Variants in GRIK4 observed in about 807,000 individuals in gnomAD.
The protein encoded by GRIK4 is glutamate ionotropic receptor kainate type subunit 4.
GRIK4 carries 40 observed loss-of-function variants against 104.9 expected under a neutral mutation model. The ratio of observed to expected loss-of-function variants is 0.38; its 90% CI spans 0.30 to 0.50. GRIK4 has a LOEUF of 0.50. Among genes scored for constraint, GRIK4 ranks in the 20% least tolerant of loss-of-function variants. The pLI, the probability that GRIK4 is intolerant of heterozygous loss-of-function variation, is 0.93. For synonymous variants in GRIK4, 485 were observed against 524.9 expected, an observed-to-expected ratio of 0.92 and a Z score of 1.04; for missense variants, 1,047 against 1,308.1, an observed-to-expected ratio of 0.80 and a Z score of 3.08.
chr11:120,759,114 T>A (rs1951701420), intron 3 of GRIK4, among the ~76,000 whole-genome samples: 1 of 152,202 alleles, frequency 6.6e-6, no homozygotes, highest in Admixed American at 6.5e-5. Flanking sequence ...CCTGTGACAC[T>A]GCTATTTATT....
intron 3 of GRIK4, among the ~76,000 whole-genome samples, chr11:120,799,343 C>G (rs568299907): frequency 6.6e-6 from 1 of 152,204 alleles, no homozygotes; most frequent in South Asian, 2.1e-4. Flanking sequence ...GGGGAGTTAC[C>G]TGAGAGAGTT....
At chr11:120,775,967 C>T (rs1287497635) in intron 3 of GRIK4, among the ~76,000 whole-genome samples, 1 of 152,222 alleles carries the variant, frequency 6.6e-6, no homozygotes, top group African/African-American at 2.4e-5. Flanking sequence ...TGGCAGGCTG[C>T]ATCCTGCAGT....
chr11:120,715,282 C>G (rs905885686), intron 3 of GRIK4, among the ~76,000 whole-genome samples: 1 of 152,098 alleles, frequency 6.6e-6, no homozygotes, highest in African/African-American at 2.4e-5. Context: ...CCCCAACCTA[C>G]GAGGGCAGGC....
At chr11:120,743,902 C>T (rs1014570381) in intron 3 of GRIK4, among the ~76,000 whole-genome samples, 7 of 152,104 alleles carry the variant, frequency 4.6e-5, no homozygotes, top group Admixed American at 2.6e-4. Context: ...TATTTACTGT[C>T]GGTGGAAGGG....
In GRIK4 at chr11:120,524,536, C is replaced by T. The variant is rs574208200; in HGVS notation, c.-159+12649C>T. On this transcript the variant is annotated intron_variant, in intron 1 of 20. Coordinates refer to ENST00000527524, the MANE Select transcript of GRIK4 (RefSeq NM_014619.5). This position sits in a 1 kb window ranked among gnomAD's most constrained non-coding sequence, Gnocchi z 4.5. Reference sequence around the variant, plus strand: ...AAGAGTAACACCAGGCCTACCTGGACCTTGGCTCCAGGCACTTTACCCCCT... The same window carrying T: ...AAGAGTAACACCAGGCCTACCTGGATCTTGGCTCCAGGCACTTTACCCCCT... Among the ~76,000 whole-genome samples, 41 of 152,280 alleles carry T rather than the reference C, an allele frequency of 2.7e-4. No individual in the cohort carries two copies. The highest frequency in any genetic ancestry group is 9.6e-4 in the African/African-American group (40 of 41,546).
At chr11:120,679,957 G>A (rs892996720) in intron 3 of GRIK4, among the ~76,000 whole-genome samples, 1 of 152,116 alleles carries the variant, frequency 6.6e-6, no homozygotes, top group East Asian at 1.9e-4. Context: ...CACATCGCTG[G>A]GCCTTTGCTG....
At chr11:120,758,223 G>A (rs959990339) in intron 3 of GRIK4, among the ~76,000 whole-genome samples, 1 of 152,112 alleles carries the variant, frequency 6.6e-6, no homozygotes, top group Admixed American at 6.5e-5. Context: ...TACCCATCCT[G>A]AGGACCTGGG....
chr11:120,774,492 A>G (rs943978139), intron 3 of GRIK4, among the ~76,000 whole-genome samples: 2 of 152,178 alleles, frequency 1.3e-5, no homozygotes, highest in Non-Finnish European at 2.9e-5. Context: ...AAGTCTGGAG[A>G]CAGAATTCCC....
intron 1 of GRIK4, among the ~76,000 whole-genome samples, chr11:120,617,912 A>C (rs1949136856): frequency 6.6e-6 from 1 of 152,230 alleles, no homozygotes; most frequent in Non-Finnish European, 1.5e-5. Context: ...ATGGAATAAT[A>C]ATGAAAATTG....
intron 3 of GRIK4, among the ~76,000 whole-genome samples, chr11:120,801,511 G>A (rs1952620572): frequency 6.6e-6 from 1 of 152,206 alleles, no homozygotes; most frequent in South Asian, 2.1e-4. Context: ...ACAGGCATGA[G>A]CCATGCGTCC....
intron 3 of GRIK4, among the ~76,000 whole-genome samples, chr11:120,705,173 A>G (rs1022831441): frequency 6.6e-6 from 1 of 151,280 alleles, no homozygotes; most frequent in African/African-American, 2.4e-5. Flanking sequence ...TTGGCTGTTC[A>G]TAGAGTCCCT....
rs187244977 is a variant in GRIK4, at chr11:120,643,494, C to T, written c.-158-10191C>T. Among the ~76,000 whole-genome samples the T allele has an allele frequency of 5.7e-4, 87 of 152,312 alleles. 1 individual carries two copies. Among genetic ancestry groups the T allele is most frequent in the Non-Finnish European group, 1.1e-3 (73 of 68,034 alleles). On this transcript the variant is annotated intron_variant, in intron 1 of 20. Coordinates refer to ENST00000527524, the MANE Select transcript of GRIK4 (RefSeq NM_014619.5). ...AATGCCTGGAGCATAGCAGGCCCAC[C>T]GCTGATATTGGGGGTTGGTGTACAG...
intron 1 of GRIK4, among the ~76,000 whole-genome samples, chr11:120,554,547 TTTTTTCTTTTTC>T (rs1277205487): frequency 1.5e-4 from 23 of 151,870 alleles, no homozygotes; most frequent in African/African-American, 5.3e-4. Flanking sequence ...GTCGCTCTCT[TTTTTTCTTTTTC>T]TTTTTCTTTT....
chr11:120,825,315 G>A (rs2135552836), intron 6 of GRIK4, among the ~76,000 whole-genome samples: 1 of 152,238 alleles, frequency 6.6e-6, no homozygotes, highest in South Asian at 2.1e-4. Context: ...TGAGATCTTG[G>A]AAAAGTGACT....
chr11:120,698,369 GT>G (rs1950491597), intron 3 of GRIK4, among the ~76,000 whole-genome samples: 1 of 152,232 alleles, frequency 6.6e-6, no homozygotes, highest in Non-Finnish European at 1.5e-5. Context: ...ATTAAGAGAA[GT>G]TTGGGTCTGT....
intron 1 of GRIK4, among the ~76,000 whole-genome samples, chr11:120,519,924 A>T (rs1591670550): frequency 9.3e-6 from 1 of 107,184 alleles, no homozygotes; most frequent in East Asian, 2.7e-4. Context: ...ACGGGGTCTT[A>T]CTCTGTTGCC....
intron 3 of GRIK4, among the ~76,000 whole-genome samples, chr11:120,759,684 A>G (rs1365707904): frequency 6.6e-6 from 1 of 151,998 alleles, no homozygotes; most frequent in Non-Finnish European, 1.5e-5. Flanking sequence ...AACAAAACAA[A>G]CCAAAATACT....
At chr11:120,657,908 T>A (rs1591775686) in intron 2 of GRIK4, among the ~76,000 whole-genome samples, 1 of 152,212 alleles carries the variant, frequency 6.6e-6, no homozygotes, top group East Asian at 1.9e-4. Context: ...AACACACCTC[T>A]GCAAGCAACA....
At chr11:120,595,834 A>G (rs888339062) in intron 1 of GRIK4, among the ~76,000 whole-genome samples, 2 of 151,888 alleles carry the variant, frequency 1.3e-5, no homozygotes, top group African/African-American at 4.8e-5. Flanking sequence ...TAGGCCCCTG[A>G]TTGCTTTTGT....
Sources: allele counts gnomAD v4.1 joint callset (sites outside exome capture counted in the v4.1 genomes callset), GRCh38; gene constraint gnomAD v4.1.1; non-coding constraint Gnocchi (gnomAD v3.1); transcripts MANE v1.5; gene names NCBI Gene and HGNC (gene_info 2026-07-23, HGNC 2026-07-21).